The following STAT4 variants were observed in gnomAD, a reference collection of about 807,000 sequenced individuals.
STAT4 encodes signal transducer and activator of transcription 4.
Under a neutral mutation model 110.5 loss-of-function variants are expected in STAT4, and 42 were observed. The ratio of observed to expected loss-of-function variants is 0.38; its 90% confidence interval spans 0.30 to 0.49. STAT4 has a LOEUF of 0.49. Among genes scored for constraint, STAT4 ranks in the 20% least tolerant of loss-of-function variants. The pLI is 0.95. For synonymous variants in STAT4, 284 were observed against 302.2 expected, an observed-to-expected ratio of 0.94 and a Z score of 0.63; for missense variants, 632 against 887.9, an observed-to-expected ratio of 0.71 and a Z score of 3.66.
At chr2:191,075,837 C>CTTTTTTT (rs71407854) in intron 4 of STAT4, among the ~76,000 whole-genome samples, 507 of 121,404 alleles carry the variant, frequency 4.2e-3, no homozygotes, top group African/African-American at 9.5e-3. Context: ...TTCTTTCTTT[C>CTTTTTTT]TTTTTTTTTT....
rs1517351 is a variant in STAT4, at chr2:191,031,319, T to C, written c.2111+131A>G. On this transcript the variant is annotated intron_variant, in intron 22 of 23. Transcript: ENST00000392320. This position sits in a 1 kb window ranked among gnomAD's most constrained non-coding sequence, Gnocchi z 4.8. The stretch of plus-strand genomic sequence containing the variant: ...AAGTGTGCCCTGAAGGCTAGCCTTA[T>C]GTATTAAAGGAAATGGGACATTGCA... 2.9e-6 allele frequency: 3 copies of C among 1,017,028 alleles called. No individual in the cohort carries two copies. The highest frequency in any genetic ancestry group is 4.3e-6 in the Non-Finnish European group (3 of 700,044). The allele number at this position is 1,017,028 out of a possible 1,614,324, so 63.0% of individuals were successfully genotyped here. A position where few individuals can be genotyped will look rare whatever the true frequency, so the allele number is the denominator to read the frequency against.
chr2:191,105,244 G>A (rs979850436), intron 3 of STAT4, among the ~76,000 whole-genome samples: 1 of 152,044 alleles, frequency 6.6e-6, no homozygotes, highest in Non-Finnish European at 1.5e-5. Context: ...GGTTACTCTC[G>A]ACATGGCAGC....
rs1696837588 is a variant in STAT4 at position 191,061,160 on chromosome 2, C to T, written c.1034+569G>A. Reference sequence around the variant, plus strand: ...AGCAACAATAACACAAAAGTTATGTCTTTAAATCAGGTACACAATAGGGAC... The same window carrying T: ...AGCAACAATAACACAAAAGTTATGTTTTTAAATCAGGTACACAATAGGGAC... On this transcript the variant is annotated intron_variant, in intron 10 of 23. Coordinates refer to ENST00000392320, the MANE Select transcript of STAT4 (RefSeq NM_003151.4). This position sits in a 1 kb window ranked among gnomAD's most constrained non-coding sequence, Gnocchi z 6.2. Among the ~76,000 whole-genome samples the T allele has an allele frequency of 6.6e-6, 1 of 152,146 alleles. No individual in the cohort carries two copies. Among genetic ancestry groups the T allele is most frequent in the South Asian group, 2.1e-4 (1 of 4,816 alleles).
At chr2:191,069,840 G>A (rs527998911) in intron 5 of STAT4, 69 bp from the exon 6 acceptor site, 371 of 1,323,688 alleles carry the variant, frequency 2.8e-4, no homozygotes, top group South Asian at 4.6e-4. Flanking sequence ...AACATCATAA[G>A]TATTTTAAAA....
At position 191,031,277 on chromosome 2, in the gene STAT4, G is replaced by T; in HGVS notation, c.2111+173C>A. The stretch of plus-strand genomic sequence containing the variant: ...TAAAAGGGGAATTTTATAATTTTAG[G>T]CACAATAGATTGTGGTAAGTGTGCC... On this transcript the variant is annotated intron_variant, in intron 22 of 23. Coordinates refer to ENST00000392320, the MANE Select transcript of STAT4 (RefSeq NM_003151.4). The surrounding 1 kb of genome is among the most constrained non-coding windows in gnomAD (Gnocchi z 4.8). 1.1e-6 allele frequency: 1 copy of T among 891,380 alleles called. No homozygotes were observed. Among genetic ancestry groups the T allele is most frequent in the Middle Eastern group, 2.9e-4 (1 of 3,456 alleles). 55.2% of individuals were successfully genotyped at this position (891,380 alleles called of 1,614,324 possible). A position where few individuals can be genotyped will look rare whatever the true frequency, so the allele number is the denominator to read the frequency against.
chr2:191,055,457 G>C (rs1184321009), intron 13 of STAT4, among the ~76,000 whole-genome samples: 3 of 142,622 alleles, frequency 2.1e-5, no homozygotes, highest in Non-Finnish European at 4.5e-5. Context: ...CTGACTTCGT[G>C]ATCCACCCGC....
In STAT4 at chr2:191,064,977, A is replaced by G. The variant is rs1696948633; in HGVS notation, c.631-19T>C. ...GAGCCTCCTAAAAACAAAGGGGACT[A>G]CTGAAGAGAGTTTCATAAGAAATAA... On this transcript the variant is annotated intron_variant, in intron 7 of 23. Coordinates refer to ENST00000392320, the MANE Select transcript of STAT4 (RefSeq NM_003151.4). 6.5e-7 allele frequency: 1 copy of G among 1,532,286 alleles called. No homozygotes were observed. Among genetic ancestry groups the G allele is most frequent in the Non-Finnish European group, 8.8e-7 (1 of 1,140,412 alleles). 94.9% of individuals were successfully genotyped at this position (1,532,286 alleles called of 1,614,324 possible). A position where few individuals can be genotyped will look rare whatever the true frequency, so the allele number is the denominator to read the frequency against.
chr2:191,068,104 T>A (rs1255751056), intron 6 of STAT4: 1 of 152,198 alleles, frequency 6.6e-6, no homozygotes, highest in East Asian at 1.9e-4. Flanking sequence ...TTCCCTTGTA[T>A]TTTTCTTTTC....
chr2:191,131,653 G>A (rs565815707), intron 3 of STAT4: 33 of 708,956 alleles, frequency 4.7e-5, no homozygotes, highest in Non-Finnish European at 6.2e-5. Flanking sequence ...AGGCACAAGA[G>A]GCTTCAAAGG....
rs564956657 is a variant in STAT4 at position 191,148,061 on chromosome 2, T to C, written c.128+15A>G. On this transcript the variant is annotated intron_variant, in intron 2 of 23. Coordinates refer to ENST00000392320, the MANE Select transcript of STAT4 (RefSeq NM_003151.4). ...TTTGTGCATCAACTTCTAGGGAAAATATGTTTGATCCTACCAGTCTTGATT... is the reference window on the plus strand; with the variant it reads ...TTTGTGCATCAACTTCTAGGGAAAACATGTTTGATCCTACCAGTCTTGATT... 6.2e-6 allele frequency: 10 copies of C among 1,613,030 alleles called. No homozygotes were observed. The African/African-American group carries it at 1.1e-4, about 17-fold the overall frequency.
At chr2:191,036,360 T>A in intron 16 of STAT4, 61 bp from the exon 17 acceptor site, 2 of 1,573,400 alleles carry the variant, frequency 1.3e-6, no homozygotes, top group Non-Finnish European at 1.7e-6. Context: ...TAGTGAGGTG[T>A]GAGCAGGGCA....
At position 191,058,185 on chromosome 2, in the gene STAT4, C is replaced by T; in HGVS notation, c.1112+17G>A. ...TACAAGAGCAGCAACAAAGTTTCCA[C>T]AAAGTAAATGTCTTACCTTAGAGTT... On this transcript the variant is annotated intron_variant, in intron 12 of 23. Coordinates refer to ENST00000392320, the MANE Select transcript of STAT4 (RefSeq NM_003151.4). This position sits in a 1 kb window ranked among gnomAD's most constrained non-coding sequence, Gnocchi z 4.3. The T allele has an allele frequency of 6.2e-7, 1 of 1,613,946 alleles. No individual in the cohort carries two copies. The highest frequency in any genetic ancestry group is 8.5e-7 in the Non-Finnish European group (1 of 1,179,898).
Position 191,144,406 on chromosome 2 carries a change from T to G in STAT4, c.273+2207A>C, listed in dbSNP as rs1236056468. 1.3e-5 allele frequency among the ~76,000 whole-genome samples: 2 copies of G among 152,116 alleles called. No individual in the cohort carries two copies. The highest frequency in any genetic ancestry group is 2.9e-5 in the Non-Finnish European group (2 of 68,018). ...AGCATTCCTGGCCATAGGACCGTCATGGACAAGGCTGAGTCATTCAAGAGT... is the reference window on the plus strand; with the variant it reads ...AGCATTCCTGGCCATAGGACCGTCAGGGACAAGGCTGAGTCATTCAAGAGT... On this transcript the variant is annotated intron_variant, in intron 3 of 23. Coordinates refer to ENST00000392320, the MANE Select transcript of STAT4 (RefSeq NM_003151.4). The surrounding 1 kb of genome is among the most constrained non-coding windows in gnomAD (Gnocchi z 4.7).
In STAT4 at chr2:191,077,779, C is replaced by T. The variant is rs1190564999; in HGVS notation, c.274-1454G>A. 6.6e-6 allele frequency among the ~76,000 whole-genome samples: 1 copy of T among 152,162 alleles called. No homozygotes were observed. The highest frequency in any genetic ancestry group is 1.5e-5 in the Non-Finnish European group (1 of 68,026). On this transcript the variant is annotated intron_variant, in intron 3 of 23. Transcript: ENST00000392320. This position sits in a 1 kb window ranked among gnomAD's most constrained non-coding sequence, Gnocchi z 4.1. ...TAAAACAAGAGTAAACACCAACTAT[C>T]TGAATTCCTGCTCTTACATATTTTA...
rs529249312 is a variant in STAT4, at chr2:191,112,324, T to A, written c.273+34289A>T. 1.3e-5 allele frequency among the ~76,000 whole-genome samples: 2 copies of A among 152,322 alleles called. No homozygotes were observed. The highest frequency in any genetic ancestry group is 6.5e-5 in the Admixed American group (1 of 15,300). On this transcript the variant is annotated intron_variant, in intron 3 of 23. Coordinates refer to ENST00000392320, the MANE Select transcript of STAT4 (RefSeq NM_003151.4). The surrounding 1 kb of genome is among the most constrained non-coding windows in gnomAD (Gnocchi z 4.3). ...AGCTATGTGACCTTGGGCAACAGCG[T>A]GACCTTTCCAAGCCTCAGTTCCCTC...
rs1274191722 is a variant in STAT4, at chr2:191,034,540, G to A, written c.1620+8C>T. 4.4e-6 allele frequency: 7 copies of A among 1,608,436 alleles called. No homozygotes were observed. Among genetic ancestry groups the A allele is most frequent in the East Asian group, 2.2e-5 (1 of 44,856 alleles). ...GTATCTAAATGATGTTTCCCCGACCGTTTGTACCTTGCAGAACTTGGCCCA... is the reference window on the plus strand; with the variant it reads ...GTATCTAAATGATGTTTCCCCGACCATTTGTACCTTGCAGAACTTGGCCCA... On this transcript the variant is annotated splice_region_variant and intron_variant, in intron 18 of 23. Coordinates refer to ENST00000392320, the MANE Select transcript of STAT4 (RefSeq NM_003151.4).
chr2:191,095,894 A>G (rs1400892792), intron 3 of STAT4, among the ~76,000 whole-genome samples: 1 of 152,194 alleles, frequency 6.6e-6, no homozygotes, highest in Non-Finnish European at 1.5e-5. Flanking sequence ...AAAAGAAAAG[A>G]GAGAAGAATC....
In STAT4 at chr2:191,091,922, T is replaced by C. The variant is rs1490938467; in HGVS notation, c.274-15597A>G. Among the ~76,000 whole-genome samples, 1 of 152,212 alleles carries C rather than the reference T, an allele frequency of 6.6e-6. No individual in the cohort carries two copies. The highest frequency in any genetic ancestry group is 1.9e-4 in the East Asian group (1 of 5,202). On this transcript the variant is annotated intron_variant, in intron 3 of 23. Transcript: ENST00000392320. This position sits in a 1 kb window ranked among gnomAD's most constrained non-coding sequence, Gnocchi z 5.4. ...ATATTGAAATATACCATAAGGTCAT[T>C]GTATCCAATAGTAATGACATATAAC...
chr2:191,064,297 T>C (rs1449131937), intron 8 of STAT4, among the ~76,000 whole-genome samples: 2 of 152,230 alleles, frequency 1.3e-5, no homozygotes, highest in African/African-American at 4.8e-5. Context: ...AAATCTACTT[T>C]CTTAGTAATT....
Sources: allele counts gnomAD v4.1 joint callset (sites outside exome capture counted in the v4.1 genomes callset), GRCh38; gene constraint gnomAD v4.1.1; non-coding constraint Gnocchi (gnomAD v3.1); transcripts MANE v1.5; gene names NCBI Gene and HGNC (gene_info 2026-07-23, HGNC 2026-07-21).